The following CTNNA3 variants were observed in gnomAD, a reference collection of about 807,000 sequenced individuals.
The protein encoded by CTNNA3 is catenin alpha 3.
CTNNA3 carries 76 observed loss-of-function variants against 95.7 expected under a neutral mutation model. The observed-to-expected ratio is 0.79, with a 90% CI of 0.66 to 0.96. CTNNA3 has a LOEUF of 0.96. CTNNA3 is among the 40% of genes least tolerant of loss of function. The pLI is 0.00. For missense variants in CTNNA3, 1,191 were observed against 1,089.8 expected (o/e 1.09, Z -1.31); for synonymous variants, 431 against 374.4 (o/e 1.15, Z -1.74).
chr10:67,085,457 A>G (rs1857252958), intron 7 of CTNNA3, among the ~76,000 whole-genome samples: 1 of 151,922 alleles, frequency 6.6e-6, no homozygotes, highest in South Asian at 2.1e-4. Flanking sequence ...GCTATTCACC[A>G]CATCACCCTC....
rs181012456 is a variant in CTNNA3, at chr10:66,615,259, T to C, written c.1374+6433A>G. Among the ~76,000 whole-genome samples, 524 of 152,154 alleles carry C rather than the reference T, an allele frequency of 3.4e-3. 3 individuals carry two copies. Among genetic ancestry groups the C allele is most frequent in the African/African-American group, 0.012 (490 of 41,534 alleles). The stretch of plus-strand genomic sequence containing the variant: ...TCATGTCATATGAATAATGTGCTAG[T>C]GTCATAACAAGGTTTGAAGGAGGCA... On this transcript the variant is annotated intron_variant, in intron 10 of 17. Coordinates refer to ENST00000433211, the MANE Select transcript of CTNNA3 (RefSeq NM_013266.4).
chr10:66,421,834 CAAAAAAA>C (rs35845509), intron 11 of CTNNA3, among the ~76,000 whole-genome samples: 1 of 81,524 alleles, frequency 1.2e-5, no homozygotes, highest in Non-Finnish European at 2.6e-5. Flanking sequence ...GACTCTGTCT[CAAAAAAA>C]AAAAAAAAAA....
chr10:66,021,916 C>T (rs866288056), intron 15 of CTNNA3, among the ~76,000 whole-genome samples: 5 of 136,402 alleles, frequency 3.7e-5, no homozygotes, highest in African/African-American at 5.6e-5. Flanking sequence ...TACAATTGTA[C>T]GACCGCAGCT....
intron 11 of CTNNA3, among the ~76,000 whole-genome samples, chr10:66,495,187 GA>G (rs1840059627): frequency 6.6e-6 from 1 of 152,072 alleles, no homozygotes; most frequent in South Asian, 2.1e-4. Context: ...CTATGACTTA[GA>G]AGAATAAAAT....
intron 11 of CTNNA3, among the ~76,000 whole-genome samples, chr10:66,443,226 G>A (rs746396411): frequency 6.6e-6 from 1 of 152,154 alleles, no homozygotes; most frequent in African/African-American, 2.4e-5. Flanking sequence ...CTCCACCTCT[G>A]GGGGCAGGGC....
intron 5 of CTNNA3, among the ~76,000 whole-genome samples, chr10:67,378,099 C>G (rs1255342792): frequency 6.6e-6 from 1 of 152,104 alleles, no homozygotes; most frequent in Non-Finnish European, 1.5e-5. Flanking sequence ...TTCCCCCTAC[C>G]CTTCTCAGAC....
chr10:66,841,250 G>A (rs1843057265), intron 7 of CTNNA3, among the ~76,000 whole-genome samples: 1 of 151,942 alleles, frequency 6.6e-6, no homozygotes, highest in Admixed American at 6.5e-5. Flanking sequence ...CGGTGTAACT[G>A]CAGTATATGT....
chr10:66,848,099 C>T (rs562276870), intron 7 of CTNNA3, among the ~76,000 whole-genome samples: 6 of 152,024 alleles, frequency 3.9e-5, no homozygotes, highest in East Asian at 3.9e-4. Context: ...GAAACAGCAG[C>T]GGATTATCAT....
In CTNNA3 at chr10:67,690,186, C is replaced by T. The variant is rs182515443; in HGVS notation, c.-6+5814G>A. ...CCACAGACCTTCACAGTGAGTGTTA[C>T]GGCTCTTAAAGGCAGCACGTCTGGA... On this transcript the variant is annotated intron_variant, in intron 1 of 17. Transcript: ENST00000433211. Among the ~76,000 whole-genome samples, 17 of 152,232 alleles carry T rather than the reference C, an allele frequency of 1.1e-4. No individual in the cohort carries two copies. The East Asian group carries it at 1.2e-3, about 10-fold the overall frequency.
rs556338655 is a variant in CTNNA3 at position 67,259,510 on chromosome 10, C to T, written c.580-39640G>A. 1.1e-3 allele frequency among the ~76,000 whole-genome samples: 174 copies of T among 152,232 alleles called. 1 individual carries two copies. The highest frequency in any genetic ancestry group is 3.9e-3 in the African/African-American group (161 of 41,528). ...TAACAAGACCTGAGCTAATCATTTA[C>T]GCAGAAGCTTGGATCACTTTACAGA... On this transcript the variant is annotated intron_variant, in intron 5 of 17. Transcript: ENST00000433211.
intron 13 of CTNNA3, among the ~76,000 whole-genome samples, chr10:66,252,033 T>G (rs2090574168): frequency 1.3e-5 from 2 of 152,188 alleles, no homozygotes; most frequent in African/African-American, 4.8e-5. Context: ...AAACCATCAA[T>G]TTAATCTCAC....
intron 14 of CTNNA3, among the ~76,000 whole-genome samples, chr10:66,072,231 A>C (rs1165260271): frequency 1.3e-5 from 2 of 152,170 alleles, no homozygotes; most frequent in Non-Finnish European, 2.9e-5. Flanking sequence ...TTTTTCAACC[A>C]CTTAAAAATG....
At chr10:66,388,660 T>A (rs1194011438) in intron 11 of CTNNA3, among the ~76,000 whole-genome samples, 1 of 149,954 alleles carries the variant, frequency 6.7e-6, no homozygotes, top group Non-Finnish European at 1.5e-5. Flanking sequence ...TATAAACATA[T>A]GATATGAAAA....
intron 6 of CTNNA3, among the ~76,000 whole-genome samples, chr10:67,185,785 G>T (rs1253849824): frequency 6.6e-6 from 1 of 152,080 alleles, no homozygotes. Flanking sequence ...ATTTTGGGAG[G>T]TTGAGGTGGG....
chr10:66,439,945 C>T (rs1589252676), intron 11 of CTNNA3, among the ~76,000 whole-genome samples: 1 of 152,084 alleles, frequency 6.6e-6, no homozygotes, highest in Non-Finnish European at 1.5e-5. Flanking sequence ...AATCACAAAG[C>T]CTTTTTATTT....
chr10:66,486,892 T>G (rs1839747407), intron 11 of CTNNA3, among the ~76,000 whole-genome samples: 1 of 151,896 alleles, frequency 6.6e-6, no homozygotes, highest in African/African-American at 2.4e-5. Context: ...TCCTGCCATA[T>G]ATGACAACAT....
At chr10:66,044,625 G>C (rs762266261) in intron 15 of CTNNA3, among the ~76,000 whole-genome samples, 1 of 151,984 alleles carries the variant, frequency 6.6e-6, no homozygotes, top group African/African-American at 2.4e-5. Context: ...TCTGTCATCA[G>C]CTGTTGACTA....
At chr10:66,868,750 C>A (rs1431737155) in intron 7 of CTNNA3, among the ~76,000 whole-genome samples, 33 of 130,438 alleles carry the variant, frequency 2.5e-4, no homozygotes, top group African/African-American at 4.8e-4. Flanking sequence ...GACTCCGTCT[C>A]AAAAAAAAAA....
At chr10:67,590,569 T>C (rs1256256627) in intron 3 of CTNNA3, among the ~76,000 whole-genome samples, 1 of 152,140 alleles carries the variant, frequency 6.6e-6, no homozygotes, top group Admixed American at 6.6e-5. Context: ...TATGGTATTG[T>C]CAGACTTTTT....
Sources: gnomAD v4.1 joint callset for allele counts (sites outside exome capture counted in the v4.1 genomes callset) on GRCh38, gnomAD v4.1.1 for gene constraint, MANE v1.5 for transcripts, NCBI Gene and HGNC (gene_info 2026-07-23, HGNC 2026-07-21) for gene names.